The following C2CD5 variants were observed in gnomAD, a reference collection of about 807,000 sequenced individuals.
C2CD5 encodes the protein C2 calcium dependent domain containing 5.
In C2CD5, 109 loss-of-function variants were observed where a neutral mutation model predicts 130.3. The ratio of observed to expected loss-of-function variants is 0.84; its 90% confidence interval spans 0.72 to 0.98. The LOEUF (loss-of-function observed/expected upper bound fraction) is 0.98, where lower values mean the gene tolerates loss of function less well. Among genes scored for constraint, C2CD5 ranks in the 50% least tolerant of loss-of-function variants. The pLI is 0.00. For missense variants in C2CD5, 996 were observed against 1,261.8 expected (o/e 0.79, Z 3.19); for synonymous variants, 454 against 429.2 (o/e 1.06, Z -0.71).
rs377374647 is a variant in C2CD5 at position 22,491,688 on chromosome 12, A to G, written c.1263-1470T>C. 1.1e-4 allele frequency among the ~76,000 whole-genome samples: 16 copies of G among 152,206 alleles called. No homozygotes were observed. The East Asian group carries it at 2.9e-3, about 28-fold the overall frequency. On this transcript the variant is annotated intron_variant, in intron 11 of 26. Coordinates refer to ENST00000446597, the MANE Select transcript of C2CD5 (RefSeq NM_001286176.2). Reference sequence around the variant, plus strand: ...GGAGTTCGAGATCAGCCTGACCAACATGGCGAAACCCCATCTCTACTAAAA... The same window carrying G: ...GGAGTTCGAGATCAGCCTGACCAACGTGGCGAAACCCCATCTCTACTAAAA...
chr12:22,494,759 T>C (rs1264013516), intron 10 of C2CD5, among the ~76,000 whole-genome samples: 1 of 152,136 alleles, frequency 6.6e-6, no homozygotes. Flanking sequence ...TAGCAATCAA[T>C]GTTATAAATT....
intron 3 of C2CD5, among the ~76,000 whole-genome samples, chr12:22,529,695 C>A (rs1951038886): frequency 6.6e-6 from 1 of 152,118 alleles, no homozygotes; most frequent in East Asian, 1.9e-4. Flanking sequence ...CAAAAGACTG[C>A]ATTTCTTAGC....
At chr12:22,462,036 GT>G (rs895035495) in intron 22 of C2CD5, among the ~76,000 whole-genome samples, 2 of 152,202 alleles carry the variant, frequency 1.3e-5, no homozygotes, top group African/African-American at 4.8e-5. Flanking sequence ...CCTGATCAGA[GT>G]TTGGCTTCCC....
chr12:22,483,784 A>G (rs966384956), intron 13 of C2CD5, among the ~76,000 whole-genome samples: 3 of 152,182 alleles, frequency 2.0e-5, no homozygotes, highest in Non-Finnish European at 2.9e-5. Context: ...ATTTGGCATG[A>G]AGAACTGGAT....
Position 22,520,035 on chromosome 12 carries a change from C to T in C2CD5, c.801-1898G>A, listed in dbSNP as rs573586050. ...TATCTATGTGTGTGTATACTTAGAG[C>T]AGTTATACAAGTATATATTGATATA... On this transcript the variant is annotated intron_variant, in intron 7 of 26. Transcript: ENST00000446597. Among the ~76,000 whole-genome samples, 3 of 151,920 alleles carry T rather than the reference C, an allele frequency of 2.0e-5. No homozygotes were observed. The South Asian group carries it at 6.3e-4, about 32-fold the overall frequency.
chr12:22,475,924 C>CA (rs1943774948), intron 15 of C2CD5, among the ~76,000 whole-genome samples: 1 of 151,918 alleles, frequency 6.6e-6, no homozygotes, highest in African/African-American at 2.4e-5. Flanking sequence ...TCTTTTGACA[C>CA]ACAGTGCAAC....
chr12:22,516,737 T>C (rs533233881), intron 8 of C2CD5, among the ~76,000 whole-genome samples: 1 of 151,858 alleles, frequency 6.6e-6, no homozygotes, highest in East Asian at 1.9e-4. Context: ...AACTTATTAC[T>C]CAAATAGTAA....
chr12:22,459,864 T>G (rs774263155), intron 22 of C2CD5, among the ~76,000 whole-genome samples: 76 of 152,294 alleles, frequency 5.0e-4, no homozygotes, highest in African/African-American at 1.8e-3. Context: ...GATGTGAGAC[T>G]AGGCAGAGAA....
At chr12:22,521,656 A>G (rs1950279508) in intron 7 of C2CD5, among the ~76,000 whole-genome samples, 1 of 152,234 alleles carries the variant, frequency 6.6e-6, no homozygotes, top group African/African-American at 2.4e-5. Context: ...TCTAGGAGAT[A>G]TTTTAAATGG....
intron 7 of C2CD5, among the ~76,000 whole-genome samples, chr12:22,518,780 A>C (rs1950003852): frequency 6.6e-6 from 1 of 152,246 alleles, no homozygotes. Context: ...TTAGAATCTA[A>C]TCATCAATTT....
chr12:22,530,320 C>T (rs138119955), intron 3 of C2CD5, among the ~76,000 whole-genome samples: 31 of 149,032 alleles, frequency 2.1e-4, no homozygotes, highest in Admixed American at 6.0e-4. Context: ...ATATATATAA[C>T]TGAATGCAAT....
At chr12:22,513,421 T>A in intron 8 of C2CD5, 42 bp from the exon 9 acceptor site, 1 of 1,260,858 alleles carries the variant, frequency 7.9e-7, no homozygotes, top group Non-Finnish European at 1.2e-6. Context: ...AAAAAGCAAC[T>A]ATAGAAACAA....
intron 15 of C2CD5, among the ~76,000 whole-genome samples, chr12:22,475,386 T>C (rs113715072): frequency 5.3e-5 from 8 of 152,326 alleles, no homozygotes; most frequent in African/African-American, 1.9e-4. Context: ...ACTTATACTA[T>C]GCACATATTT....
intron 23 of C2CD5, 107 bp downstream of exon 23, chr12:22,459,385 C>A (rs1940641605): frequency 3.5e-6 from 2 of 565,376 alleles, no homozygotes; most frequent in Non-Finnish European, 6.0e-6. Context: ...ATTTTGGTGT[C>A]TATTCCATAT....
rs974213974 is a variant in C2CD5, at chr12:22,497,907, T to C, written c.1148-4570A>G. ...CACTACATACACGCATGCACACACA[T>C]ACACACACACACACACACACACACA... On this transcript the variant is annotated intron_variant, in intron 10 of 26. Transcript: ENST00000446597. Among the ~76,000 whole-genome samples, 432 of 145,728 alleles carry C rather than the reference T, an allele frequency of 3.0e-3. 3 individuals carry two copies. Among genetic ancestry groups the C allele is most frequent in the African/African-American group, 9.0e-3 (363 of 40,224 alleles).
At chr12:22,496,254 G>A (rs1263087894) in intron 10 of C2CD5, among the ~76,000 whole-genome samples, 1 of 151,944 alleles carries the variant, frequency 6.6e-6, no homozygotes, top group Non-Finnish European at 1.5e-5. Context: ...AGATATCACA[G>A]TATTTAATCC....
intron 2 of C2CD5, among the ~76,000 whole-genome samples, chr12:22,539,053 C>A (rs1054777732): frequency 1.3e-5 from 2 of 152,014 alleles, no homozygotes; most frequent in African/African-American, 4.8e-5. Flanking sequence ...ACTAAAACTA[C>A]TTCTCAAACA....
rs535898681 is a variant in C2CD5 at position 22,495,620 on chromosome 12, T to A, written c.1148-2283A>T. On this transcript the variant is annotated intron_variant, in intron 10 of 26. Coordinates refer to ENST00000446597, the MANE Select transcript of C2CD5 (RefSeq NM_001286176.2). Reference sequence around the variant, plus strand: ...GGAGCATTCATATTCTTCTGACAAATTCACAAGCAGCCTTTATTTTAACAC... The same window carrying A: ...GGAGCATTCATATTCTTCTGACAAAATCACAAGCAGCCTTTATTTTAACAC... Among the ~76,000 whole-genome samples the A allele has an allele frequency of 5.3e-5, 8 of 151,226 alleles. No homozygotes were observed. In the East Asian group the frequency reaches 1.6e-3, roughly 29 times the overall value.
rs1946150462 is a variant in C2CD5 at position 22,490,106 on chromosome 12, C to G, written c.1358+17G>C. On this transcript the variant is annotated intron_variant, in intron 12 of 26. Transcript: ENST00000446597. ...TTCTCTGCCCTTATAGAAAATAAGC[C>G]AGGCTGCCATGACAACCTCTGTTCC... 2 of 1,590,922 alleles carry G rather than the reference C, an allele frequency of 1.3e-6. No individual in the cohort carries two copies. The highest frequency in any genetic ancestry group is 2.7e-5 in the African/African-American group (2 of 74,574).
Sources: allele counts gnomAD v4.1 joint callset (sites outside exome capture counted in the v4.1 genomes callset), GRCh38; gene constraint gnomAD v4.1.1; transcripts MANE v1.5; gene names NCBI Gene and HGNC (gene_info 2026-07-23, HGNC 2026-07-21).